CEACAM19: variants seen among roughly 807,000 people sequenced by gnomAD.
CEACAM19 encodes cell adhesion molecule CEACAM19.
In CEACAM19, 37 loss-of-function variants were observed where a neutral mutation model predicts 37.6. The ratio of observed to expected loss-of-function variants is 0.98; its 90% CI spans 0.76 to 1.29. The LOEUF (loss-of-function observed/expected upper bound fraction) is 1.29, where lower values mean the gene tolerates loss of function less well. Ranked by LOEUF, CEACAM19 falls within the 50% of genes most tolerant of loss-of-function variation. The probability of loss-of-function intolerance (pLI) is 0.00; values close to 1 mark genes in which losing one functional copy is unlikely to be tolerated. For synonymous variants in CEACAM19, 140 were observed against 149.8 expected (o/e 0.93, Z 0.48); for missense variants, 340 against 375.6 (o/e 0.91, Z 0.78).
chr19:44,668,640 T>C (rs866018943), upstream of CEACAM19, among the ~76,000 whole-genome samples: 1 of 77,570 alleles, frequency 1.3e-5, no homozygotes, highest in Non-Finnish European at 2.2e-5. Flanking sequence ...ATACACATAT[T>C]ATATATGTAT....
chr19:44,668,302 ATGTT>A (rs1973778689), upstream of CEACAM19, among the ~76,000 whole-genome samples: 8 of 78,846 alleles, frequency 1.0e-4, no homozygotes, highest in African/African-American at 4.7e-4. Context: ...TTTATATAAT[ATGTT>A]TATATATTAT....
Position 44,672,119 on chromosome 19 carries a change from G to T in CEACAM19, c.55+133G>T. 9.6e-6 allele frequency: 7 copies of T among 731,586 alleles called. No individual in the cohort carries two copies. In the South Asian group the frequency reaches 1.0e-4, roughly 10 times the overall value. The allele number at this position is 731,586 out of a possible 1,614,324, so 45.3% of individuals were successfully genotyped here. ...AGAATAAGATGGGGGAGGGGCAACA[G>T]AATCACAGCCTCATTGCCATTTTAT... On this transcript the variant is annotated intron_variant, in intron 1 of 7. Transcript: ENST00000358777.
rs558825388 is a variant in CEACAM19, at chr19:44,679,652, G to C, written c.660-636G>C. 1.2e-4 allele frequency among the ~76,000 whole-genome samples: 19 copies of C among 152,300 alleles called. No homozygotes were observed. In the South Asian group the frequency reaches 3.5e-3, roughly 28 times the overall value. On this transcript the variant is annotated intron_variant, in intron 4 of 7. Transcript: ENST00000358777. ...TAGTCCCAGCTACTCGGGAGGCTGA[G>C]GCAGGAGAATGGCATGAACCCGGGA... is the stretch of plus-strand genomic sequence containing the variant.
rs141880329 is a variant in CEACAM19, at chr19:44,675,338, G to C, written c.425-933G>C. On this transcript the variant is annotated intron_variant, in intron 2 of 7. Coordinates refer to ENST00000358777, the MANE Select transcript of CEACAM19 (RefSeq NM_001127893.3). ...GTCCAGCTTGAGAGTAAAGCTGGGA[G>C]GTCAGAGGGTAAGAGCCAGGTAGGC... 3.3e-4 allele frequency among the ~76,000 whole-genome samples: 50 copies of C among 152,196 alleles called. 1 individual carries two copies. In the South Asian group the frequency reaches 8.3e-3, roughly 25 times the overall value.
intron 2 of CEACAM19, 106 bp from the exon 3 acceptor site, chr19:44,676,164 CA>C: frequency 8.8e-7 from 1 of 1,135,294 alleles, no homozygotes; most frequent in Non-Finnish European, 1.2e-6. Flanking sequence ...TAGGAAACTG[CA>C]CCTCAGTTCT....
upstream of CEACAM19, among the ~76,000 whole-genome samples, chr19:44,670,800 A>AC (rs1470935838): frequency 1.4e-4 from 20 of 138,868 alleles, no homozygotes; most frequent in Non-Finnish European, 2.1e-4. Context: ...AAAAAAAAAA[A>AC]AAAAAAAAAA....
At chr19:44,667,712 T>TA (rs1973747613), upstream of CEACAM19, among the ~76,000 whole-genome samples, 2 of 77,674 alleles carry the variant, frequency 2.6e-5, no homozygotes, top group African/African-American at 5.8e-5. Context: ...ATTATATAAA[T>TA]ATATATAAAT....
intron 5 of CEACAM19, 74 bp downstream of exon 5, chr19:44,680,408 C>A: frequency 7.4e-7 from 1 of 1,359,422 alleles, no homozygotes; most frequent in Non-Finnish European, 1.0e-6. Context: ...AGCCACAAGC[C>A]CGCTTATTCT....
At chr19:44,669,962 A>G (rs564882413), upstream of CEACAM19, among the ~76,000 whole-genome samples, 4 of 152,272 alleles carry the variant, frequency 2.6e-5, no homozygotes, top group East Asian at 7.7e-4. Context: ...TGTGTCACCA[A>G]CATCACCCAG....
chr19:44,680,376 C>T (rs973725409), intron 5 of CEACAM19, 42 bp downstream of exon 5: 4 of 1,555,230 alleles, frequency 2.6e-6, no homozygotes, highest in African/African-American at 1.4e-5. Flanking sequence ...GCCCTCCTCT[C>T]AGCTCCTCCT....
In CEACAM19 at chr19:44,672,085, G is replaced by A. The variant is rs1229149169; in HGVS notation, c.55+99G>A. 12 of 980,062 alleles carry A rather than the reference G, an allele frequency of 1.2e-5. No individual in the cohort carries two copies. The Admixed American group carries it at 2.3e-4, about 19-fold the overall frequency. 60.7% of individuals were successfully genotyped at this position (980,062 alleles called of 1,614,324 possible). A position where few individuals can be genotyped will look rare whatever the true frequency, so the allele number is the denominator to read the frequency against. ...GAAGTAGGGAAAGATTACCTGAGAG[G>A]ATGAAATTAGAATAAGATGGGGGAG... is the stretch of plus-strand genomic sequence containing the variant. On this transcript the variant is annotated intron_variant, in intron 1 of 7. Transcript: ENST00000358777.
intron 5 of CEACAM19, among the ~76,000 whole-genome samples, 168 bp downstream of exon 5, chr19:44,680,502 G>A (rs894026123): frequency 6.6e-6 from 1 of 151,272 alleles, no homozygotes; most frequent in African/African-American, 2.4e-5. Context: ...TGAGCGCATC[G>A]GCACCCACCC....
chr19:44,682,777 C>T, intron 7 of CEACAM19, 157 bp downstream of exon 7: 1 of 647,004 alleles, frequency 1.5e-6, no homozygotes, highest in South Asian at 2.2e-5. Flanking sequence ...GCCCAAACCG[C>T]CTCCCTGAGA....
rs1405618672 is a variant in CEACAM19 at position 44,684,264 on chromosome 19, T to C, written c.*774T>C. On this transcript the variant is annotated 3_prime_UTR_variant, in exon 8 of 8. Transcript: ENST00000358777. Reference sequence around the variant, plus strand: ...TATGCCAGACCCAGTTCTAGGCTCTTGCAGCCCTGGTAGAAAGCAAAACAA... The same window carrying C: ...TATGCCAGACCCAGTTCTAGGCTCTCGCAGCCCTGGTAGAAAGCAAAACAA... The C allele has an allele frequency of 1.3e-5, 2 of 152,356 alleles. No individual in the cohort carries two copies. The highest frequency in any genetic ancestry group is 2.9e-5 in the Non-Finnish European group (2 of 68,036). 9.4% of individuals were successfully genotyped at this position (152,356 alleles called of 1,614,324 possible). A position where few individuals can be genotyped will look rare whatever the true frequency, so the allele number is the denominator to read the frequency against.
At chr19:44,677,432 GGAGAGAGAGA>G (rs146217697) in intron 3 of CEACAM19, among the ~76,000 whole-genome samples, 6 of 147,824 alleles carry the variant, frequency 4.1e-5, no homozygotes, top group Non-Finnish European at 7.5e-5. Flanking sequence ...CTACTTGTAT[GGAGAGAGAGA>G]GAGAGAGAGA....
chr19:44,675,973 G>A lies in CEACAM19; in HGVS notation c.425-298G>A, dbSNP rs1973940851. ...TTTAATAGAGATAGGGTCTCACTAT[G>A]TTGCCCAGGCTGGTCTTGAACTCCT... On this transcript the variant is annotated intron_variant, in intron 2 of 7. Coordinates refer to ENST00000358777, the MANE Select transcript of CEACAM19 (RefSeq NM_001127893.3). Among the ~76,000 whole-genome samples the A allele has an allele frequency of 2.0e-5, 3 of 151,770 alleles. No homozygotes were observed. In the South Asian group the frequency reaches 6.3e-4, roughly 32 times the overall value.
intron 6 of CEACAM19, among the ~76,000 whole-genome samples, chr19:44,681,655 C>T (rs1050455702): frequency 5.3e-5 from 8 of 152,092 alleles, no homozygotes; most frequent in Admixed American, 2.6e-4. Context: ...TTAGGCTGGG[C>T]GTGGTGGCTC....
rs763873467 is a variant in CEACAM19 at position 44,683,507 on chromosome 19, C to G, written c.*17C>G. On this transcript the variant is annotated 3_prime_UTR_variant, in exon 8 of 8. Transcript: ENST00000358777. ...ACTTCCTGATGGGTCCTGGGCCAGGCCAGCCAGGGAGAAGACAAGGCCCCA... is the reference window on the plus strand; with the variant it reads ...ACTTCCTGATGGGTCCTGGGCCAGGGCAGCCAGGGAGAAGACAAGGCCCCA... The G allele has an allele frequency of 6.6e-7, 1 of 1,514,522 alleles. No individual in the cohort carries two copies. Among genetic ancestry groups the G allele is most frequent in the South Asian group, 1.3e-5 (1 of 79,384 alleles). The allele number at this position is 1,514,522 out of a possible 1,614,324, so 93.8% of individuals were successfully genotyped here. A position where few individuals can be genotyped will look rare whatever the true frequency, so the allele number is the denominator to read the frequency against.
chr19:44,671,987 G>C lies in CEACAM19; in HGVS notation c.55+1G>C. On this transcript the variant is annotated splice_donor_variant, in intron 1 of 7. Transcript: ENST00000358777. LOFTEE classifies it high-confidence loss of function. The stretch of plus-strand genomic sequence containing the variant: ...TTCTCAAAGAGCCTCCTGCTCTCAG[G>C]TAAGGAGGAAATAGACCCTAAAGGC... The C allele has an allele frequency of 6.2e-7, 1 of 1,602,464 alleles. No individual in the cohort carries two copies. The highest frequency in any genetic ancestry group is 8.5e-7 in the Non-Finnish European group (1 of 1,173,828).
Sources: gnomAD v4.1 joint callset for allele counts (sites outside exome capture counted in the v4.1 genomes callset) on GRCh38, gnomAD v4.1.1 for gene constraint, MANE v1.5 for transcripts, NCBI Gene and HGNC (gene_info 2026-07-23, HGNC 2026-07-21) for gene names.